TPRG1: variants seen among roughly 807,000 people sequenced by gnomAD.
TPRG1 encodes the protein tumor protein p63 regulated 1.
TPRG1 carries 29 observed loss-of-function variants against 29.3 expected under a neutral mutation model. That is an observed-to-expected ratio of 0.99 (90% CI 0.74 to 1.35). TPRG1 has a LOEUF of 1.35. TPRG1 is among the 40% of genes most tolerant of loss of function. TPRG1 has a pLI of 0.00. For synonymous variants in TPRG1, 130 were observed against 116.8 expected, an observed-to-expected ratio of 1.11 and a Z score of -0.73; for missense variants, 327 against 335.0, an observed-to-expected ratio of 0.98 and a Z score of 0.19.
chr3:189,134,304 T>G (rs182953436), intron 3 of TPRG1, among the ~76,000 whole-genome samples: 114 of 152,190 alleles, frequency 7.5e-4, no homozygotes, highest in African/African-American at 2.6e-3. Context: ...AGTTGTATGT[T>G]CAGTACAAGT....
At chr3:189,002,879 A>T (rs1712098261) in intron 2 of TPRG1, among the ~76,000 whole-genome samples, 2 of 152,036 alleles carry the variant, frequency 1.3e-5, no homozygotes, top group South Asian at 4.1e-4. Flanking sequence ...CACCTTACTT[A>T]TTTTTTAAGC....
At chr3:189,048,680 A>G (rs1207836533) in intron 4 of TPRG1, among the ~76,000 whole-genome samples, 1 of 152,184 alleles carries the variant, frequency 6.6e-6, no homozygotes, top group African/African-American at 2.4e-5. Flanking sequence ...ACAGAGCAGC[A>G]TGAGGAGGCT....
intron 4 of TPRG1, among the ~76,000 whole-genome samples, chr3:189,282,722 C>T (rs949652433): frequency 6.6e-6 from 1 of 152,200 alleles, no homozygotes; most frequent in African/African-American, 2.4e-5. Context: ...GGATACACAG[C>T]TGGCCCCTTT....
At chr3:189,245,873 T>C (rs1741304730) in intron 4 of TPRG1, among the ~76,000 whole-genome samples, 1 of 152,192 alleles carries the variant, frequency 6.6e-6, no homozygotes, top group Non-Finnish European at 1.5e-5. Flanking sequence ...ATGATTGGTG[T>C]CTTTCTGGTG....
chr3:189,277,578 C>CGT lies in TPRG1; in HGVS notation c.480-32807_480-32806dup, dbSNP rs1716383062. On this transcript the variant is annotated intron_variant, in intron 4 of 5. Coordinates refer to ENST00000345063, the MANE Select transcript of TPRG1 (RefSeq NM_198485.4). ...ACTCATCAGATGTTTGCAGTGAACA[C>CGT]GTTTGGACAGTATACAGAATAGAGA... Among the ~76,000 whole-genome samples, 2 of 151,936 alleles carry CGT rather than the reference C, an allele frequency of 1.3e-5. 1 individual carries two copies. Among genetic ancestry groups the CGT allele is most frequent in the Admixed American group, 1.3e-4 (2 of 15,274 alleles).
At chr3:189,271,540 A>G (rs1000119717) in intron 4 of TPRG1, among the ~76,000 whole-genome samples, 1 of 152,242 alleles carries the variant, frequency 6.6e-6, no homozygotes, top group African/African-American at 2.4e-5. Context: ...CAGAAAATAG[A>G]AAAGAAAGTA....
intron 5 of TPRG1, among the ~76,000 whole-genome samples, chr3:189,311,274 G>A (rs1004062081): frequency 1.3e-5 from 2 of 152,132 alleles, no homozygotes; most frequent in Non-Finnish European, 1.5e-5. Flanking sequence ...ATATGAGTGC[G>A]CTTATAGACC....
intron 4 of TPRG1, among the ~76,000 whole-genome samples, chr3:189,270,835 AAC>A (rs1470289807): frequency 6.6e-6 from 1 of 152,196 alleles, no homozygotes; most frequent in Non-Finnish European, 1.5e-5. Flanking sequence ...CCTGAGATGA[AAC>A]ACAGATCCGT....
intron 3 of TPRG1, among the ~76,000 whole-genome samples, chr3:189,138,534 C>G (rs535912416): frequency 7.2e-5 from 11 of 152,238 alleles, no homozygotes; most frequent in Admixed American, 3.9e-4. Context: ...TTTCTCCTCC[C>G]CTTAGTTCCT....
At position 189,140,345 on chromosome 3, in the gene TPRG1, C is replaced by T. The variant is rs568226525; in HGVS notation, c.-290-7239C>T. ...TAGCTTGGTGACTTTGGGCACATTC[C>T]GAAGCTTTGTGTGCCTCAGTTACTT... On this transcript the variant is annotated intron_variant, in intron 3 of 6. Transcript: ENST00000412373. Among the ~76,000 whole-genome samples, 6 of 152,216 alleles carry T rather than the reference C, an allele frequency of 3.9e-5. No homozygotes were observed. In the East Asian group the frequency reaches 7.7e-4, roughly 20 times the overall value.
chr3:189,264,578 C>T (rs1426344306), intron 4 of TPRG1, among the ~76,000 whole-genome samples: 1 of 151,936 alleles, frequency 6.6e-6, no homozygotes, highest in Non-Finnish European at 1.5e-5. Flanking sequence ...TAAAAAGATT[C>T]AGCATGGTAG....
At chr3:189,279,364 C>T (rs1443312536) in intron 4 of TPRG1, among the ~76,000 whole-genome samples, 1 of 152,112 alleles carries the variant, frequency 6.6e-6, no homozygotes, top group Non-Finnish European at 1.5e-5. Context: ...AATTCCAGGA[C>T]ATCAGGAATG....
At chr3:189,314,475 T>C (rs1440784431) in intron 5 of TPRG1, among the ~76,000 whole-genome samples, 1 of 152,202 alleles carries the variant, frequency 6.6e-6, no homozygotes, top group African/African-American at 2.4e-5. Flanking sequence ...CAATGCTATG[T>C]CAAAATATAC....
chr3:189,057,834 A>G (rs1016754111), intron 4 of TPRG1, among the ~76,000 whole-genome samples: 11 of 140,064 alleles, frequency 7.9e-5, no homozygotes, highest in Non-Finnish European at 1.7e-4. Flanking sequence ...ATATACACAC[A>G]TATGTATGTG....
chr3:189,060,120 T>C (rs1438586609), intron 4 of TPRG1, among the ~76,000 whole-genome samples: 2 of 152,106 alleles, frequency 1.3e-5, no homozygotes, highest in Non-Finnish European at 2.9e-5. Context: ...TAATCCCAGC[T>C]TTTCAGGAGG....
intron 3 of TPRG1, among the ~76,000 whole-genome samples, chr3:189,237,418 G>A (rs1739692520): frequency 6.6e-6 from 1 of 152,118 alleles, no homozygotes; most frequent in East Asian, 1.9e-4. Flanking sequence ...TGCCCACATG[G>A]TACCCATTGC....
intron 4 of TPRG1, among the ~76,000 whole-genome samples, chr3:189,285,547 T>G (rs1482004469): frequency 6.6e-6 from 1 of 152,244 alleles, no homozygotes; most frequent in Non-Finnish European, 1.5e-5. Context: ...TTCCAGATTA[T>G]TAGACTAATG....
upstream of TPRG1, among the ~76,000 whole-genome samples, chr3:189,168,112 T>C (rs558613167): frequency 6.6e-6 from 1 of 152,228 alleles, no homozygotes; most frequent in South Asian, 2.1e-4. Flanking sequence ...GATAAATGAA[T>C]GGAGAAAACA....
intron 4 of TPRG1, among the ~76,000 whole-genome samples, chr3:189,031,991 T>C (rs1341316843): frequency 6.6e-6 from 1 of 152,204 alleles, no homozygotes; most frequent in Non-Finnish European, 1.5e-5. Flanking sequence ...AACAGTCGTT[T>C]ATAAAAGATG....
Sources: allele counts gnomAD v4.1 joint callset (sites outside exome capture counted in the v4.1 genomes callset), GRCh38; gene constraint gnomAD v4.1.1; transcripts MANE v1.5; gene names NCBI Gene and HGNC (gene_info 2026-07-23, HGNC 2026-07-21).